FAM120A: variants seen among roughly 807,000 people sequenced by gnomAD.
The protein encoded by FAM120A is constitutive coactivator of PPAR-gamma-like protein 1.
Under a neutral mutation model 109.7 loss-of-function variants are expected in FAM120A, and 15 were observed. That is an observed-to-expected ratio of 0.14 (90% confidence interval 0.09 to 0.21). FAM120A has a LOEUF of 0.21. Ranked by LOEUF, FAM120A falls within the 10% of genes least tolerant of loss-of-function variation. FAM120A has a pLI of 1.00. For missense variants in FAM120A, 899 were observed against 1,439.3 expected (o/e 0.62, Z 6.07); for synonymous variants, 493 against 572.8 (o/e 0.86, Z 1.99).
In FAM120A at chr9:93,565,310, A is replaced by C. The variant is rs1239254676; in HGVS notation, c.*770A>C. ...AACTATGTGGTTTTGAATCGGATGT[A>C]GACCATTAGTACTACTACTTGAGCT... is the stretch of plus-strand genomic sequence containing the variant. On this transcript the variant is annotated 3_prime_UTR_variant, in exon 18 of 18. Transcript: ENST00000277165. The C allele has an allele frequency of 1.3e-5, 2 of 152,700 alleles. No individual in the cohort carries two copies. Among genetic ancestry groups the C allele is most frequent in the Non-Finnish European group, 2.9e-5 (2 of 68,052 alleles). The allele number at this position is 152,700 out of a possible 1,614,324, so 9.5% of individuals were successfully genotyped here.
intron 15 of FAM120A, among the ~76,000 whole-genome samples, chr9:93,558,943 C>T (rs1488337406): frequency 2.6e-5 from 4 of 152,192 alleles, no homozygotes; most frequent in African/African-American, 9.7e-5. Flanking sequence ...TCAGGGTAGA[C>T]CACTGAGTGT....
intron 17 of FAM120A, among the ~76,000 whole-genome samples, chr9:93,563,551 C>T (rs1862543949): frequency 6.6e-6 from 1 of 152,192 alleles, no homozygotes. Flanking sequence ...GTGGACAGAG[C>T]CAGCGTATCA....
At chr9:93,513,166 T>G (rs1457310508) in intron 5 of FAM120A, among the ~76,000 whole-genome samples, 2 of 152,228 alleles carry the variant, frequency 1.3e-5, no homozygotes, top group Admixed American at 1.3e-4. Flanking sequence ...TGAATAGATT[T>G]TATAATATTC....
intron 5 of FAM120A, among the ~76,000 whole-genome samples, chr9:93,506,759 G>A (rs1404425684): frequency 2.0e-5 from 3 of 151,854 alleles, no homozygotes; most frequent in Non-Finnish European, 4.4e-5. Flanking sequence ...CACCATGCCC[G>A]GCTAATTTTT....
chr9:93,482,867 C>T (rs796336951), intron 3 of FAM120A, among the ~76,000 whole-genome samples: 6 of 152,232 alleles, frequency 3.9e-5, no homozygotes, highest in African/African-American at 1.4e-4. Context: ...TCCTAGTGAC[C>T]GCTGTGCATG....
Position 93,541,248 on chromosome 9 carries a change from C to T in FAM120A, c.1910-1974C>T, listed in dbSNP as rs867477316. Among the ~76,000 whole-genome samples the T allele has an allele frequency of 4.6e-5, 7 of 152,108 alleles. No homozygotes were observed. In the South Asian group the frequency reaches 1.4e-3, roughly 31 times the overall value. On this transcript the variant is annotated intron_variant, in intron 10 of 17. Transcript: ENST00000277165. Reference sequence around the variant, plus strand: ...GCGAACAGCTCATTCTGGAAGCTCCCCTTGCCTGTTTTCTCTTGGGGTGGA... The same window carrying T: ...GCGAACAGCTCATTCTGGAAGCTCCTCTTGCCTGTTTTCTCTTGGGGTGGA...
At chr9:93,560,925 T>C (rs189075617) in intron 15 of FAM120A, among the ~76,000 whole-genome samples, 184 bp from the exon 16 acceptor site, 57 of 152,358 alleles carry the variant, frequency 3.7e-4, no homozygotes, top group African/African-American at 1.2e-3. Context: ...TTCTTCACAG[T>C]AGTTTAAAGT....
intron 17 of FAM120A, 145 bp downstream of exon 17, chr9:93,562,449 A>G (rs547327002): frequency 1.6e-6 from 1 of 627,666 alleles, no homozygotes; most frequent in South Asian, 1.9e-5. Flanking sequence ...AGTAACTGGC[A>G]CACAGCTGCT....
chr9:93,541,322 A>C (rs1193243730), intron 10 of FAM120A, among the ~76,000 whole-genome samples: 1 of 151,994 alleles, frequency 6.6e-6, no homozygotes, highest in Non-Finnish European at 1.5e-5. Context: ...GGCTCACAGG[A>C]AGGCCTGTGC....
intron 11 of FAM120A, among the ~76,000 whole-genome samples, chr9:93,546,536 G>T (rs531037789): frequency 6.6e-6 from 1 of 152,376 alleles, no homozygotes; most frequent in African/African-American, 2.4e-5. Context: ...CTGTGTGTGA[G>T]CACTGAGATG....
intron 12 of FAM120A, among the ~76,000 whole-genome samples, chr9:93,551,948 G>A (rs1416117429): frequency 6.6e-6 from 1 of 152,166 alleles, no homozygotes; most frequent in African/African-American, 2.4e-5. Context: ...TCCCCGTCAG[G>A]CAGTGTGGCT....
At chr9:93,539,072 A>G (rs145507793) in intron 10 of FAM120A, among the ~76,000 whole-genome samples, 2,205 of 146,952 alleles carry the variant, frequency 0.015, 65 homozygotes, top group African/African-American at 0.051. Context: ...ATCTCGGCTC[A>G]CTGCAAGCTC....
chr9:93,475,429 A>G lies in FAM120A; in HGVS notation c.722-827A>G, dbSNP rs558630369. 3.1e-3 allele frequency among the ~76,000 whole-genome samples: 470 copies of G among 152,316 alleles called. 5 individuals are homozygous for G. The highest frequency in any genetic ancestry group is 0.017 in the South Asian group (82 of 4,826). ...TCCAAATGGTCTTAGTTTGTGTTGC[A>G]TTCTGTTAGTAGCAAATTAATGAAT... On this transcript the variant is annotated intron_variant, in intron 2 of 17. Coordinates refer to ENST00000277165, the MANE Select transcript of FAM120A (RefSeq NM_014612.5).
Position 93,527,178 on chromosome 9 carries a change from G to A in FAM120A, c.1442G>A (p.Gly481Asp). ...ATNHISGNKI[G>D]WEKTGSHSEP... The stretch of plus-strand genomic sequence containing the variant: ...AGCCATATCAGCGGGAACAAGATTG[G>A]CTGGGAGAAGACGGGAAGCCACTCA... Residue 481 changes from glycine (G) to aspartate (D), a missense_variant, in exon 8 of 18, where the codon GGC (glycine) becomes GAC (aspartate). Coordinates refer to ENST00000277165, the MANE Select transcript of FAM120A (RefSeq NM_014612.5). The A allele has an allele frequency of 6.2e-7, 1 of 1,614,104 alleles. No individual in the cohort carries two copies. The highest frequency in any genetic ancestry group is 1.3e-5 in the African/African-American group (1 of 75,050).
intron 17 of FAM120A, among the ~76,000 whole-genome samples, chr9:93,563,439 G>A (rs1288661251): frequency 2.6e-5 from 4 of 152,244 alleles, no homozygotes; most frequent in African/African-American, 7.2e-5. Flanking sequence ...TGTGGGCACT[G>A]GATTTTAATG....
At position 93,556,435 on chromosome 9, in the gene FAM120A, A is replaced by C. The variant is rs1335693919; in HGVS notation, c.2328A>C (p.Gly776=). 2 of 1,614,236 alleles carry C rather than the reference A, an allele frequency of 1.2e-6. No homozygotes were observed. The highest frequency in any genetic ancestry group is 1.7e-6 in the Non-Finnish European group (2 of 1,180,038). ...AGCTATCAGCTCTCTTCATGAGTGGAGTAGACATGGCCTTGTTTGCAAATG... is the reference window on the plus strand; with the variant it reads ...AGCTATCAGCTCTCTTCATGAGTGGCGTAGACATGGCCTTGTTTGCAAATG... ...GIQLSALFMS[G]VDMALFANDA... The change falls in exon 13 of 18, where the codon GGA becomes GGC. Residue 776 remains glycine (G), a synonymous_variant. Transcript: ENST00000277165.
At chr9:93,540,998 G>T (rs941111386) in intron 10 of FAM120A, among the ~76,000 whole-genome samples, 1 of 151,880 alleles carries the variant, frequency 6.6e-6, no homozygotes, top group African/African-American at 2.4e-5. Context: ...ACCCCTAGGG[G>T]ACTCCTGACA....
At chr9:93,517,373 G>T (rs1473925550) in intron 7 of FAM120A, among the ~76,000 whole-genome samples, 1 of 152,220 alleles carries the variant, frequency 6.6e-6, no homozygotes, top group East Asian at 1.9e-4. Context: ...CCTCTAGCAA[G>T]ATAATATATT....
At chr9:93,479,597 C>T (rs1858708691) in intron 3 of FAM120A, among the ~76,000 whole-genome samples, 1 of 152,114 alleles carries the variant, frequency 6.6e-6, no homozygotes, top group Non-Finnish European at 1.5e-5. Context: ...GAGAAAATTT[C>T]ATCTTTTTAC....
Sources: allele counts gnomAD v4.1 joint callset (sites outside exome capture counted in the v4.1 genomes callset), GRCh38; gene constraint gnomAD v4.1.1; transcripts MANE v1.5; gene names NCBI Gene and HGNC (gene_info 2026-07-23, HGNC 2026-07-21).